The following SLC44A5 variants were observed in gnomAD, a reference collection of about 807,000 sequenced individuals.
The protein encoded by SLC44A5 is solute carrier family 44 member 5.
A neutral mutation model predicts 101.8 loss-of-function variants in SLC44A5; 57 were observed. The ratio of observed to expected loss-of-function variants is 0.56; its 90% CI spans 0.45 to 0.70. The LOEUF (loss-of-function observed/expected upper bound fraction) is 0.70, where lower values mean the gene tolerates loss of function less well. SLC44A5 is among the 30% of genes least tolerant of loss of function. The pLI, the probability that SLC44A5 is intolerant of heterozygous loss-of-function variation, is 0.00. For missense variants in SLC44A5, 737 were observed against 853.1 expected (o/e 0.86, Z 1.70); for synonymous variants, 281 against 290.9 (o/e 0.97, Z 0.35).
chr1:75,219,208 G>T, intron 16 of SLC44A5, 49 bp downstream of exon 16: 2 of 1,252,404 alleles, frequency 1.6e-6, no homozygotes, highest in Non-Finnish European at 2.3e-6. Context: ...ATGAATTGCA[G>T]CAGAAGTCTA....
At chr1:75,358,305 T>C (rs990846242) in intron 3 of SLC44A5, among the ~76,000 whole-genome samples, 2 of 152,190 alleles carry the variant, frequency 1.3e-5, no homozygotes, top group African/African-American at 4.8e-5. Context: ...GTTTGATAAG[T>C]GTGCATGCCA....
chr1:75,546,052 G>A (rs1671636725), intron 1 of SLC44A5, among the ~76,000 whole-genome samples: 1 of 151,736 alleles, frequency 6.6e-6, no homozygotes, highest in Non-Finnish European at 1.5e-5. Flanking sequence ...GAACTCCTGG[G>A]CTCAAGTGAT....
At chr1:75,442,940 T>C (rs1665292363) in intron 2 of SLC44A5, among the ~76,000 whole-genome samples, 1 of 152,152 alleles carries the variant, frequency 6.6e-6, no homozygotes, top group South Asian at 2.1e-4. Context: ...AAAGCAAACA[T>C]GCATACTTCC....
chr1:75,710,759 T>TA, the SLC44A5 span, among the ~76,000 whole-genome samples: 1 of 152,158 alleles, frequency 6.6e-6, no homozygotes, highest in Admixed American at 6.5e-5. Flanking sequence ...CAGGCTATTT[T>TA]AAGAGGTTTT....
the SLC44A5 span, among the ~76,000 whole-genome samples, chr1:75,679,454 T>A: frequency 2.0e-5 from 3 of 152,072 alleles, no homozygotes; most frequent in Non-Finnish European, 2.9e-5. Context: ...TGGGGGCCAA[T>A]ATTCAACATT....
At chr1:75,575,173 T>C (rs1014860971) in intron 1 of SLC44A5, among the ~76,000 whole-genome samples, 1 of 152,242 alleles carries the variant, frequency 6.6e-6, no homozygotes, top group African/African-American at 2.4e-5. Context: ...CTTAACTCTG[T>C]CACACATACT....
intron 6 of SLC44A5, among the ~76,000 whole-genome samples, chr1:75,261,066 A>G (rs1650460446): frequency 6.6e-6 from 1 of 152,208 alleles, no homozygotes; most frequent in African/African-American, 2.4e-5. Flanking sequence ...CCCACAAGAT[A>G]AAGCAGGAAA....
intron 2 of SLC44A5, among the ~76,000 whole-genome samples, chr1:75,502,404 C>T (rs1669009123): frequency 6.6e-6 from 1 of 152,250 alleles, no homozygotes; most frequent in South Asian, 2.1e-4. Context: ...TAGCCAGCAG[C>T]GTTTTACCTT....
intron 4 of SLC44A5, among the ~76,000 whole-genome samples, chr1:75,307,892 T>A (rs1185828597): frequency 6.6e-6 from 1 of 152,216 alleles, no homozygotes; most frequent in Non-Finnish European, 1.5e-5. Flanking sequence ...TTTCGCTCTG[T>A]TACTGAAATC....
chr1:75,329,878 AT>A (rs1241442684), intron 4 of SLC44A5, among the ~76,000 whole-genome samples: 1 of 152,072 alleles, frequency 6.6e-6, no homozygotes, highest in African/African-American at 2.4e-5. Flanking sequence ...TGCCAATATG[AT>A]CCTTCCTTCA....
intron 1 of SLC44A5, among the ~76,000 whole-genome samples, chr1:75,582,743 T>C (rs1352312450): frequency 6.6e-6 from 1 of 152,236 alleles, no homozygotes; most frequent in Non-Finnish European, 1.5e-5. Context: ...GGAAACTTTC[T>C]AATTTAGCCT....
chr1:75,523,342 A>G (rs1670242544), intron 2 of SLC44A5, among the ~76,000 whole-genome samples: 1 of 152,046 alleles, frequency 6.6e-6, no homozygotes, highest in Non-Finnish European at 1.5e-5. Context: ...CATTTCTGTT[A>G]TGTTAGATCC....
chr1:75,503,299 C>T (rs907643466), intron 2 of SLC44A5, among the ~76,000 whole-genome samples: 5 of 152,188 alleles, frequency 3.3e-5, no homozygotes, highest in East Asian at 3.9e-4. Flanking sequence ...TCTGGTTTGG[C>T]TCTGTGTCCC....
chr1:75,580,134 TA>T (rs58803374), intron 1 of SLC44A5, among the ~76,000 whole-genome samples: 2,464 of 151,466 alleles, frequency 0.016, 74 homozygotes, highest in African/African-American at 0.057. Context: ...AAATAAAAAA[TA>T]AAAAAAGACT....
chr1:75,485,646 G>C (rs1460571326), intron 2 of SLC44A5, among the ~76,000 whole-genome samples: 1 of 152,074 alleles, frequency 6.6e-6, no homozygotes, highest in Admixed American at 6.6e-5. Flanking sequence ...CACATTTTCA[G>C]GTATCTTTAT....
chr1:75,698,551 GA>G, the SLC44A5 span, among the ~76,000 whole-genome samples: 2 of 152,196 alleles, frequency 1.3e-5, no homozygotes, highest in South Asian at 2.1e-4. Context: ...CAAAGATGCG[GA>G]AAAAACAGAG....
At chr1:75,318,352 G>A (rs976789567) in intron 4 of SLC44A5, among the ~76,000 whole-genome samples, 1 of 149,640 alleles carries the variant, frequency 6.7e-6, no homozygotes, top group Non-Finnish European at 1.5e-5. Flanking sequence ...ACTCCAGCCT[G>A]GGCAAAATCC....
intron 2 of SLC44A5, among the ~76,000 whole-genome samples, chr1:75,532,656 T>C (rs887328301): frequency 6.6e-6 from 1 of 152,256 alleles, no homozygotes; most frequent in South Asian, 2.1e-4. Context: ...ATGTAAGAGC[T>C]ATAAAACTGC....
intron 12 of SLC44A5, among the ~76,000 whole-genome samples, chr1:75,231,030 G>A (rs767651328): frequency 2.6e-5 from 4 of 152,092 alleles, no homozygotes; most frequent in South Asian, 2.1e-4. Context: ...AGGTAGTCTC[G>A]GACTTTATTG....
Sources: gnomAD v4.1 joint callset for allele counts (sites outside exome capture counted in the v4.1 genomes callset) on GRCh38, gnomAD v4.1.1 for gene constraint, MANE v1.5 for transcripts, NCBI Gene and HGNC (gene_info 2026-07-23, HGNC 2026-07-21) for gene names.